The following GSK3B variants were observed in gnomAD, a reference collection of about 807,000 sequenced individuals.
GSK3B encodes glycogen synthase kinase 3 beta.
Under a neutral mutation model 56.4 loss-of-function variants are expected in GSK3B, and 15 were observed. That is an observed-to-expected ratio of 0.27 (90% CI 0.18 to 0.41). The LOEUF is 0.41. Among genes scored for constraint, GSK3B ranks in the 10% least tolerant of loss-of-function variants. GSK3B has a pLI of 1.00. For synonymous variants in GSK3B, 181 were observed against 188.9 expected, an observed-to-expected ratio of 0.96 and a Z score of 0.34; for missense variants, 300 against 513.4, an observed-to-expected ratio of 0.58 and a Z score of 4.02.
intron 3 of GSK3B, among the ~76,000 whole-genome samples, chr3:119,941,288 G>C (rs2057046552): frequency 6.6e-6 from 1 of 152,148 alleles, no homozygotes; most frequent in African/African-American, 2.4e-5. Flanking sequence ...AAAGTGCTGG[G>C]ATTACAGGCG....
chr3:119,854,224 T>C (rs1443734644), intron 9 of GSK3B, among the ~76,000 whole-genome samples: 6 of 152,222 alleles, frequency 3.9e-5, no homozygotes, highest in Middle Eastern at 3.2e-3. Flanking sequence ...ATTATGTTTA[T>C]TGATTTGCGT....
chr3:119,903,839 G>A (rs1030241444), intron 7 of GSK3B, among the ~76,000 whole-genome samples: 50 of 152,146 alleles, frequency 3.3e-4, no homozygotes, highest in African/African-American at 1.2e-3. Context: ...ATTGTAGCAT[G>A]GTGATGGTGA....
rs58853520 is a variant in GSK3B at position 120,093,961 on chromosome 3, CA to C, written c.-528del. 0.075 allele frequency: 15,548 copies of C among 208,304 alleles called. 718 individuals are homozygous for C. Among genetic ancestry groups the C allele is most frequent in the African/African-American group, 0.099 (4,333 of 43,590 alleles). 12.9% of individuals were successfully genotyped at this position (208,304 alleles called of 1,614,324 possible). On this transcript the variant is annotated 5_prime_UTR_variant, in exon 1 of 11. Coordinates refer to ENST00000264235, the MANE Select transcript of GSK3B (RefSeq NM_001146156.2). Reference sequence around the variant, plus strand: ...GCGACGGGAAACGCTGCAGCTCCGGCAAGCCGCGGGATCCGGCGGGCTGACG... The same window carrying C: ...GCGACGGGAAACGCTGCAGCTCCGGCAGCCGCGGGATCCGGCGGGCTGACG...
intron 3 of GSK3B, among the ~76,000 whole-genome samples, chr3:119,932,052 C>T (rs139558035): frequency 6.6e-6 from 1 of 152,306 alleles, no homozygotes; most frequent in East Asian, 1.9e-4. Context: ...TCCATCCTAC[C>T]TTTGGAAAAC....
chr3:119,953,821 A>G (rs746666588), intron 2 of GSK3B, among the ~76,000 whole-genome samples: 22 of 152,104 alleles, frequency 1.4e-4, no homozygotes, highest in Non-Finnish European at 2.9e-4. Context: ...TTAAGTTCCT[A>G]TTTAACTTTT....
intron 1 of GSK3B, among the ~76,000 whole-genome samples, chr3:120,020,998 G>A (rs1334195608): frequency 6.6e-6 from 1 of 152,116 alleles, no homozygotes; most frequent in Non-Finnish European, 1.5e-5. Flanking sequence ...GAGCAAGGCC[G>A]GAACCCTCTT....
In GSK3B at chr3:119,826,326, C is replaced by T. The variant is rs1428936615; in HGVS notation, c.*462G>A. 2 of 321,936 alleles carry T rather than the reference C, an allele frequency of 6.2e-6. No homozygotes were observed. The highest frequency in any genetic ancestry group is 9.4e-5 in the Admixed American group (2 of 21,350). 19.9% of individuals were successfully genotyped at this position (321,936 alleles called of 1,614,324 possible). A position where few individuals can be genotyped will look rare whatever the true frequency, so the allele number is the denominator to read the frequency against. On this transcript the variant is annotated 3_prime_UTR_variant, in exon 11 of 11. Coordinates refer to ENST00000264235, the MANE Select transcript of GSK3B (RefSeq NM_001146156.2). ...TCCCCGTTGAGTTATACCTGCTAAG[C>T]TCCCAACCAATTTCAAGCTGTGCAC...
chr3:119,888,125 G>A (rs1046399046), intron 7 of GSK3B, among the ~76,000 whole-genome samples: 1 of 151,268 alleles, frequency 6.6e-6, no homozygotes, highest in Non-Finnish European at 1.5e-5. Context: ...TGGGCATTCT[G>A]ATCTACACAA....
intron 1 of GSK3B, among the ~76,000 whole-genome samples, chr3:120,074,709 A>C (rs746171866): frequency 2.6e-5 from 4 of 152,224 alleles, no homozygotes. Context: ...AGGTTGAATC[A>C]GAAAAAAAAT....
At chr3:119,857,169 T>C (rs553484724) in intron 9 of GSK3B, among the ~76,000 whole-genome samples, 14 of 152,352 alleles carry the variant, frequency 9.2e-5, no homozygotes, top group African/African-American at 2.9e-4. Context: ...TGGCTGCTGA[T>C]TGACCAGGAT....
intron 1 of GSK3B, among the ~76,000 whole-genome samples, chr3:120,070,709 T>C (rs1176443469): frequency 6.6e-6 from 1 of 152,236 alleles, no homozygotes; most frequent in African/African-American, 2.4e-5. Context: ...AGTCAACTTA[T>C]TATCCTTTTC....
intron 3 of GSK3B, among the ~76,000 whole-genome samples, chr3:119,930,491 G>C (rs2056935399): frequency 6.6e-6 from 1 of 152,062 alleles, no homozygotes; most frequent in Admixed American, 6.6e-5. Context: ...TTTCAACACA[G>C]CCACCTAAGA....
chr3:119,823,952 C>T lies in GSK3B; in HGVS notation c.*2836G>A, dbSNP rs1055487105. On this transcript the variant is annotated 3_prime_UTR_variant, in exon 11 of 11. Coordinates refer to ENST00000264235, the MANE Select transcript of GSK3B (RefSeq NM_001146156.2). ...AAAACACATGGAAGCGAAGGCACTC[C>T]AAACTATATAGATACACTATACATT... The T allele has an allele frequency of 5.1e-6, 1 of 197,432 alleles. No homozygotes were observed. The highest frequency in any genetic ancestry group is 1.0e-5 in the Non-Finnish European group (1 of 95,578). The allele number at this position is 197,432 out of a possible 1,614,324, so 12.2% of individuals were successfully genotyped here.
At chr3:119,901,313 G>T (rs375509482) in intron 7 of GSK3B, among the ~76,000 whole-genome samples, 6 of 152,178 alleles carry the variant, frequency 3.9e-5, no homozygotes, top group South Asian at 2.1e-4. Flanking sequence ...AAGCATTTTT[G>T]ATATGTAGAG....
At chr3:119,867,879 A>G (rs964258867) in intron 8 of GSK3B, among the ~76,000 whole-genome samples, 1 of 152,174 alleles carries the variant, frequency 6.6e-6, no homozygotes, top group Non-Finnish European at 1.5e-5. Flanking sequence ...CCATCAGAAT[A>G]AATTCTCTCA....
At chr3:120,038,614 C>T (rs891220742) in intron 1 of GSK3B, among the ~76,000 whole-genome samples, 2 of 152,172 alleles carry the variant, frequency 1.3e-5, no homozygotes, top group African/African-American at 2.4e-5. Context: ...CGACCATCTA[C>T]ATGCAAATAA....
chr3:120,091,591 G>A (rs772330667), intron 1 of GSK3B, among the ~76,000 whole-genome samples: 1 of 152,100 alleles, frequency 6.6e-6, no homozygotes, highest in Admixed American at 6.6e-5. Flanking sequence ...TAGACTGACT[G>A]ATTTTCAAAC....
chr3:119,841,116 C>CTT (rs933000442), intron 10 of GSK3B, among the ~76,000 whole-genome samples: 1 of 152,200 alleles, frequency 6.6e-6, no homozygotes, highest in Non-Finnish European at 1.5e-5. Flanking sequence ...CCCAATTCAA[C>CTT]TTTGGAGTAA....
At chr3:120,084,901 T>C (rs1437375733) in intron 1 of GSK3B, among the ~76,000 whole-genome samples, 2 of 152,240 alleles carry the variant, frequency 1.3e-5, no homozygotes, top group African/African-American at 4.8e-5. Context: ...CTGATTTAAA[T>C]TTGTTTTAAT....
Sources: gnomAD v4.1 joint callset for allele counts (sites outside exome capture counted in the v4.1 genomes callset) on GRCh38, gnomAD v4.1.1 for gene constraint, MANE v1.5 for transcripts, NCBI Gene and HGNC (gene_info 2026-07-23, HGNC 2026-07-21) for gene names.